NIBAN1: variants seen among roughly 807,000 people sequenced by gnomAD.
NIBAN1 encodes the protein niban apoptosis regulator 1, also known as protein Niban 1.
NIBAN1 carries 81 observed loss-of-function variants against 75.1 expected under a neutral mutation model. The ratio of observed to expected loss-of-function variants is 1.08; its 90% CI spans 0.90 to 1.30. The LOEUF (loss-of-function observed/expected upper bound fraction) is 1.30. NIBAN1 is among the 50% of genes most tolerant of loss of function. NIBAN1 has a pLI of 0.00. For missense variants in NIBAN1, 1,133 were observed against 1,128.1 expected, an observed-to-expected ratio of 1.00 and a Z score of -0.06; for synonymous variants, 436 against 424.8, an observed-to-expected ratio of 1.03 and a Z score of -0.32.
rs188729964 is a variant in NIBAN1, at chr1:184,859,203, A to T, written c.601+25430T>A. On this transcript the variant is annotated intron_variant, in intron 5 of 13. Transcript: ENST00000367511. Reference sequence around the variant, plus strand: ...ATGTGCGGTTTTAAATAAATAAATAAATATATATATATGAGGTTTTAAAAT... The same window carrying T: ...ATGTGCGGTTTTAAATAAATAAATATATATATATATATGAGGTTTTAAAAT... Among the ~76,000 whole-genome samples the T allele has an allele frequency of 3.3e-4, 50 of 151,910 alleles. No homozygotes were observed. The East Asian group carries it at 5.2e-3, about 16-fold the overall frequency.
At chr1:184,943,929 A>T (rs114081415) in intron 1 of NIBAN1, among the ~76,000 whole-genome samples, 2,234 of 152,350 alleles carry the variant, frequency 0.015, 48 homozygotes, top group African/African-American at 0.048. Flanking sequence ...TTTTAAGCTT[A>T]TCACAAAAAC....
At chr1:184,924,426 T>A (rs1557916565) in intron 1 of NIBAN1, among the ~76,000 whole-genome samples, 2 of 152,210 alleles carry the variant, frequency 1.3e-5, no homozygotes, top group Non-Finnish European at 2.9e-5. Flanking sequence ...CTTTTTAATG[T>A]TTTGTTGAAT....
intron 3 of NIBAN1, among the ~76,000 whole-genome samples, chr1:184,893,500 G>GA (rs1286298248): frequency 6.6e-6 from 1 of 151,708 alleles, no homozygotes; most frequent in Non-Finnish European, 1.5e-5. Context: ...GAAATAACCA[G>GA]AAAAAAGTTA....
At chr1:184,860,183 G>C (rs966308378) in intron 5 of NIBAN1, among the ~76,000 whole-genome samples, 2 of 147,370 alleles carry the variant, frequency 1.4e-5, no homozygotes, top group African/African-American at 5.0e-5. Flanking sequence ...ACTGTAGACA[G>C]AAGGAATGAA....
At chr1:184,871,347 CAAAA>C (rs10658216) in intron 5 of NIBAN1, among the ~76,000 whole-genome samples, 17 of 34,624 alleles carry the variant, frequency 4.9e-4, no homozygotes, top group Middle Eastern at 0.033. Flanking sequence ...AACTCTATCT[CAAAA>C]AAAAAAAAAA....
At chr1:184,920,933 A>T (rs899250643) in intron 1 of NIBAN1, among the ~76,000 whole-genome samples, 2 of 152,096 alleles carry the variant, frequency 1.3e-5, no homozygotes, top group Non-Finnish European at 2.9e-5. Flanking sequence ...CAGGAGTTCG[A>T]GACCTGACCA....
intron 5 of NIBAN1, among the ~76,000 whole-genome samples, chr1:184,865,575 G>GCACACGTACCCCCAAATCTAAAA (rs1362805830): frequency 2.0e-5 from 3 of 151,934 alleles, no homozygotes; most frequent in African/African-American, 4.8e-5. Flanking sequence ...TAACAAATCT[G>GCACACGTACCCCCAAATCTAAAA]CACACGTACC....
At chr1:184,912,380 T>C (rs1054646435) in intron 1 of NIBAN1, among the ~76,000 whole-genome samples, 1 of 152,142 alleles carries the variant, frequency 6.6e-6, no homozygotes, top group Non-Finnish European at 1.5e-5. Context: ...TTAAGAATAT[T>C]AGGTCAAAGG....
chr1:184,958,647 A>C lies in NIBAN1; in HGVS notation c.55+15655T>G, dbSNP rs77679325. Reference sequence around the variant, plus strand: ...TTTACTTGCCTGGCACATAGTAGGCACTCAATAAATGTTAGCTTTTACTAC... The same window carrying C: ...TTTACTTGCCTGGCACATAGTAGGCCCTCAATAAATGTTAGCTTTTACTAC... On this transcript the variant is annotated intron_variant, in intron 1 of 13. Transcript: ENST00000367511. Among the ~76,000 whole-genome samples, 636 of 152,310 alleles carry C rather than the reference A, an allele frequency of 4.2e-3. 4 individuals are homozygous for C. The highest frequency in any genetic ancestry group is 0.014 in the African/African-American group (592 of 41,576).
chr1:184,953,955 T>C (rs1658422107), intron 1 of NIBAN1, among the ~76,000 whole-genome samples: 1 of 152,234 alleles, frequency 6.6e-6, no homozygotes, highest in Non-Finnish European at 1.5e-5. Context: ...AAGGTAATTA[T>C]GTTATTTCAA....
In NIBAN1 at chr1:184,858,141, CATG is replaced by C. The variant is rs144535551; in HGVS notation, c.602-26182_602-26180del. ...ATAACATAATTAGTTTATAATAACA[CATG>C]AGCAATGAATTTGAGAAAAACATTT... On this transcript the variant is annotated intron_variant, in intron 5 of 13. Coordinates refer to ENST00000367511, the MANE Select transcript of NIBAN1 (RefSeq NM_052966.4). 3.3e-3 allele frequency among the ~76,000 whole-genome samples: 506 copies of C among 151,804 alleles called. 8 individuals are homozygous for C. In the East Asian group the frequency reaches 0.039, roughly 12 times the overall value.
intron 1 of NIBAN1, among the ~76,000 whole-genome samples, chr1:184,970,163 C>T (rs927683753): frequency 2.4e-4 from 33 of 136,472 alleles, no homozygotes; most frequent in Non-Finnish European, 4.6e-4. Context: ...GAGTGAGACC[C>T]TGTCTCAAAA....
intron 8 of NIBAN1, among the ~76,000 whole-genome samples, chr1:184,820,337 G>T (rs769789346): frequency 6.6e-6 from 1 of 152,138 alleles, no homozygotes; most frequent in Non-Finnish European, 1.5e-5. Flanking sequence ...CCGTGGGAGG[G>T]TATATTCCTC....
intron 5 of NIBAN1, among the ~76,000 whole-genome samples, chr1:184,875,855 C>T (rs41321748): frequency 0.041 from 6,292 of 152,092 alleles, 194 homozygotes; most frequent in Non-Finnish European, 0.061. Flanking sequence ...CAATAATCTC[C>T]CCAGTCCAAA....
chr1:184,812,161 T>C (rs1654400568), intron 9 of NIBAN1, among the ~76,000 whole-genome samples: 1 of 152,172 alleles, frequency 6.6e-6, no homozygotes, highest in Admixed American at 6.5e-5. Context: ...CTTATTTTCC[T>C]TTCCTATCTT....
Position 184,835,280 on chromosome 1 carries a change from G to A in NIBAN1, c.602-3318C>T, listed in dbSNP as rs111799213. Among the ~76,000 whole-genome samples, 764 of 152,290 alleles carry A rather than the reference G, an allele frequency of 5.0e-3. 8 individuals are homozygous for A. Among genetic ancestry groups the A allele is most frequent in the African/African-American group, 0.016 (682 of 41,550 alleles). Reference sequence around the variant, plus strand: ...ATAGTTTGAAGTCAGGTAGCGTGACGCCTCCAGCTTTGTTCTTTTTGCTTA... The same window carrying A: ...ATAGTTTGAAGTCAGGTAGCGTGACACCTCCAGCTTTGTTCTTTTTGCTTA... On this transcript the variant is annotated intron_variant, in intron 5 of 13. Coordinates refer to ENST00000367511, the MANE Select transcript of NIBAN1 (RefSeq NM_052966.4).
chr1:184,917,705 C>T (rs995969370), intron 1 of NIBAN1, among the ~76,000 whole-genome samples: 1 of 151,848 alleles, frequency 6.6e-6, no homozygotes, highest in African/African-American at 2.4e-5. Flanking sequence ...AAAGGAAGAC[C>T]CCCCCAATAT....
intron 9 of NIBAN1, among the ~76,000 whole-genome samples, chr1:184,811,657 T>G (rs1224071472): frequency 6.6e-6 from 1 of 151,948 alleles, no homozygotes; most frequent in Non-Finnish European, 1.5e-5. Context: ...CACGCCCGGC[T>G]AATTTTTGGT....
rs201876014 is a variant in NIBAN1 at position 184,795,563 on chromosome 1, G to A, written c.2201C>T (p.Thr734Met). 106 of 1,614,060 alleles carry A rather than the reference G, an allele frequency of 6.6e-5. 3 individuals are homozygous for A. The South Asian group carries it at 9.0e-4, about 14-fold the overall frequency. Residue 734 changes from threonine to methionine, a missense_variant, in exon 14 of 14, where the codon ACG becomes ATG. Thr to Met is a moderately conservative substitution (Grantham distance 81, BLOSUM62 -1). Transcript: ENST00000367511. ...TTGGGGAACGTGGCTCTCCCCATTCGTATCTTCTTCCATCACTGGAGCAGA... is the reference window on the plus strand; with the variant it reads ...TTGGGGAACGTGGCTCTCCCCATTCATATCTTCTTCCATCACTGGAGCAGA... ...VDSAPVMEED[T>M]NGESHVPQEN...
Sources: allele counts gnomAD v4.1 joint callset (sites outside exome capture counted in the v4.1 genomes callset), GRCh38; gene constraint gnomAD v4.1.1; transcripts MANE v1.5; gene names NCBI Gene and HGNC (gene_info 2026-07-23, HGNC 2026-07-21).